TLK1: variants seen among roughly 807,000 people sequenced by gnomAD.
The protein encoded by TLK1 is tousled like kinase 1, also known as serine/threonine-protein kinase tousled-like 1.
A neutral mutation model predicts 105.3 loss-of-function variants in TLK1; 24 were observed. That is an observed-to-expected ratio of 0.23 (90% confidence interval 0.17 to 0.32). TLK1 has a LOEUF of 0.32. TLK1 is among the 10% of genes least tolerant of loss of function. The pLI is 1.00. For missense variants in TLK1, 558 were observed against 910.5 expected (o/e 0.61, Z 4.98); for synonymous variants, 321 against 310.4 (o/e 1.03, Z -0.36).
intron 1 of TLK1, chr2:171,154,408 A>G (rs1032207167): frequency 1.3e-5 from 2 of 151,988 alleles, no homozygotes; most frequent in Non-Finnish European, 2.9e-5. Flanking sequence ...GCTGTAAAGT[A>G]TAATGGAAAA....
chr2:171,196,795 A>T (rs1362022686), intron 1 of TLK1, among the ~76,000 whole-genome samples: 1 of 152,262 alleles, frequency 6.6e-6, no homozygotes, highest in African/African-American at 2.4e-5. Context: ...TTGCAAAGAA[A>T]GTTGAAGACA....
At chr2:171,136,967 T>C (rs1424174393) in intron 1 of TLK1, among the ~76,000 whole-genome samples, 3 of 152,230 alleles carry the variant, frequency 2.0e-5, no homozygotes, top group Non-Finnish European at 4.4e-5. Flanking sequence ...TGTTAGCATA[T>C]TGTCTATGGC....
chr2:170,995,073 T>C (rs1046001408), intron 20 of TLK1, among the ~76,000 whole-genome samples: 12 of 152,318 alleles, frequency 7.9e-5, no homozygotes, highest in Admixed American at 3.9e-4. Flanking sequence ...TTACTGTTTA[T>C]TGGAAGTCAA....
intron 12 of TLK1, among the ~76,000 whole-genome samples, chr2:171,019,015 T>C (rs1175180999): frequency 6.6e-6 from 1 of 152,098 alleles, no homozygotes; most frequent in Non-Finnish European, 1.5e-5. Flanking sequence ...TAAAATCTAA[T>C]ACTCACATAA....
At chr2:171,033,315 G>A (rs1312964888) in intron 11 of TLK1, among the ~76,000 whole-genome samples, 1 of 151,804 alleles carries the variant, frequency 6.6e-6, no homozygotes, top group Non-Finnish European at 1.5e-5. Flanking sequence ...AACAACAACA[G>A]TAACAAAAAT....
intron 11 of TLK1, among the ~76,000 whole-genome samples, chr2:171,030,325 A>T (rs567293686): frequency 6.6e-6 from 1 of 150,494 alleles, no homozygotes; most frequent in East Asian, 2.0e-4. Flanking sequence ...AAAAAAATTA[A>T]CATGTTAAAT....
chr2:171,077,623 A>G (rs1688570461), intron 3 of TLK1, among the ~76,000 whole-genome samples: 1 of 152,238 alleles, frequency 6.6e-6, no homozygotes, highest in Admixed American at 6.5e-5. Flanking sequence ...AATGACTTCT[A>G]TGACATTTAA....
At chr2:171,231,158 G>C (rs187276764) in exon 1 of TLK1, 1 of 152,302 alleles carries the variant, frequency 6.6e-6, no homozygotes, top group South Asian at 2.1e-4. Flanking sequence ...TCTGATGCCA[G>C]AAGTCCAAAA....
chr2:171,004,423 T>C (rs1020918212), intron 18 of TLK1, among the ~76,000 whole-genome samples: 1 of 152,068 alleles, frequency 6.6e-6, no homozygotes, highest in African/African-American at 2.4e-5. Flanking sequence ...CAGCTGTACA[T>C]AGCTAAACAA....
At chr2:171,108,930 T>C (rs917532175) in intron 2 of TLK1, among the ~76,000 whole-genome samples, 4 of 151,970 alleles carry the variant, frequency 2.6e-5, no homozygotes, top group Non-Finnish European at 5.9e-5. Flanking sequence ...AAAAATAAAA[T>C]AGAAAACCAT....
At chr2:171,209,565 T>C (rs1278182750) in intron 1 of TLK1, among the ~76,000 whole-genome samples, 1 of 152,188 alleles carries the variant, frequency 6.6e-6, no homozygotes, top group Non-Finnish European at 1.5e-5. Flanking sequence ...GACGCAGTAA[T>C]GTGTCCTTTT....
intron 1 of TLK1, among the ~76,000 whole-genome samples, chr2:171,190,022 A>G (rs1693114657): frequency 6.6e-6 from 1 of 152,250 alleles, no homozygotes. Context: ...TCAGTGAGGA[A>G]GAGACCCTGG....
intron 3 of TLK1, among the ~76,000 whole-genome samples, chr2:171,078,613 T>C (rs544547586): frequency 6.5e-4 from 99 of 152,248 alleles, no homozygotes; most frequent in Non-Finnish European, 8.5e-4. Flanking sequence ...CCTACCGTCA[T>C]AAACATTAAG....
chr2:171,045,226 CTCTTTT>C (rs1233460401), intron 11 of TLK1: 2 of 69,820 alleles, frequency 2.9e-5, no homozygotes, highest in Non-Finnish European at 5.3e-5. Context: ...CATGTATTTT[CTCTTTT>C]TTTTTTTTTT....
intron 2 of TLK1, among the ~76,000 whole-genome samples, chr2:171,094,647 T>A (rs1689377209): frequency 6.6e-6 from 1 of 152,182 alleles, no homozygotes; most frequent in African/African-American, 2.4e-5. Context: ...TTGCTCTTGT[T>A]GCCCAGGCTG....
At chr2:171,020,799 A>G (rs1685461976) in intron 12 of TLK1, among the ~76,000 whole-genome samples, 1 of 152,140 alleles carries the variant, frequency 6.6e-6, no homozygotes, top group African/African-American at 2.4e-5. Context: ...CACCATAATC[A>G]TATTTTTGCT....
At chr2:171,222,459 G>A (rs886876812) in intron 1 of TLK1, among the ~76,000 whole-genome samples, 1 of 151,992 alleles carries the variant, frequency 6.6e-6, no homozygotes, top group Non-Finnish European at 1.5e-5. Flanking sequence ...GCCTGCCCAG[G>A]AGCTAGAACC....
chr2:171,005,727 T>G (rs6433275), intron 18 of TLK1, among the ~76,000 whole-genome samples: 1 of 152,208 alleles, frequency 6.6e-6, no homozygotes, highest in African/African-American at 2.4e-5. Context: ...CAAAATAAAA[T>G]GAAAATTCCT....
chr2:171,181,794 T>G (rs1384339790), intron 1 of TLK1, among the ~76,000 whole-genome samples: 2 of 152,138 alleles, frequency 1.3e-5, no homozygotes, highest in African/African-American at 4.8e-5. Context: ...ACCTCCAACA[T>G]TAGGGATCAA....
Sources: allele counts gnomAD v4.1 joint callset (sites outside exome capture counted in the v4.1 genomes callset), GRCh38; gene constraint gnomAD v4.1.1; transcripts MANE v1.5; gene names NCBI Gene and HGNC (gene_info 2026-07-23, HGNC 2026-07-21).